The following CSMD2 variants were observed in gnomAD, a reference collection of about 807,000 sequenced individuals.
CSMD2 encodes the protein CUB and sushi domain-containing protein 2.
Under a neutral mutation model 398.5 loss-of-function variants are expected in CSMD2, and 130 were observed. The observed-to-expected ratio is 0.33, with a 90% CI of 0.28 to 0.38. CSMD2 has a LOEUF of 0.38. CSMD2 is among the 10% of genes least tolerant of loss of function. The pLI is 1.00. For synonymous variants in CSMD2, 1,828 were observed against 1,908.5 expected (o/e 0.96, Z 1.10); for missense variants, 3,829 against 4,764.9 (o/e 0.80, Z 5.78).
At chr1:33,725,282 G>A in intron 17 of CSMD2, 67 bp downstream of exon 17, 1 of 1,362,512 alleles carries the variant, frequency 7.3e-7, no homozygotes, top group South Asian at 1.2e-5. Context: ...GTGGAGCACA[G>A]TCCTGAGGCC....
At chr1:33,626,215 A>C (rs908565505) in intron 33 of CSMD2, among the ~76,000 whole-genome samples, 1 of 152,192 alleles carries the variant, frequency 6.6e-6, no homozygotes. Context: ...CATGCCAGAC[A>C]ATGGGTGGAG....
At chr1:33,631,911 G>A (rs1642489061) in intron 32 of CSMD2, among the ~76,000 whole-genome samples, 2 of 151,894 alleles carry the variant, frequency 1.3e-5, no homozygotes, top group South Asian at 4.2e-4. Context: ...ATGGCTCTGG[G>A]GACTTATAGT....
rs754336586 is a variant in CSMD2, at chr1:33,820,576, A to C, written c.1112-20T>G. The C allele has an allele frequency of 4.3e-5, 50 of 1,175,728 alleles. No homozygotes were observed. The highest frequency in any genetic ancestry group is 4.3e-5 in the Non-Finnish European group (35 of 805,720). 72.8% of individuals were successfully genotyped at this position (1,175,728 alleles called of 1,614,324 possible). On this transcript the variant is annotated intron_variant, in intron 7 of 70. Transcript: ENST00000373381. ...GAGTTACTACAAGGCAAAAAAAAAAAAAAAAAAAAAAACAGCACACACAGA... is the reference window on the plus strand; with the variant it reads ...GAGTTACTACAAGGCAAAAAAAAAACAAAAAAAAAAAACAGCACACACAGA...
intron 5 of CSMD2, among the ~76,000 whole-genome samples, chr1:33,908,205 G>A (rs904553569): frequency 4.6e-5 from 7 of 152,032 alleles, no homozygotes; most frequent in Admixed American, 2.6e-4. Flanking sequence ...CAGGAGAGAC[G>A]CAAACCAACG....
At chr1:33,733,090 C>T (rs1646773272) in intron 15 of CSMD2, among the ~76,000 whole-genome samples, 1 of 152,182 alleles carries the variant, frequency 6.6e-6, no homozygotes, top group South Asian at 2.1e-4. Flanking sequence ...GAATGCCCAC[C>T]TCAACCACTG....
chr1:33,604,491 G>A (rs1029636618), intron 42 of CSMD2, among the ~76,000 whole-genome samples: 2 of 152,190 alleles, frequency 1.3e-5, no homozygotes, highest in East Asian at 3.8e-4. Flanking sequence ...CTTTACTGAG[G>A]AAGAACCTGA....
At chr1:33,822,352 G>A (rs1570121251) in intron 7 of CSMD2, among the ~76,000 whole-genome samples, 1 of 152,122 alleles carries the variant, frequency 6.6e-6, no homozygotes, top group East Asian at 1.9e-4. Flanking sequence ...TAAGGAAGGT[G>A]GGGAGCTCGT....
Position 33,636,289 on chromosome 1 carries a change from G to T in CSMD2, c.4969+71C>A. ...GGACCTTGCCCCCCTCCCTTCCCCA[G>T]CCCACAGCACCCTCTGCCCCTGGCA... is the stretch of plus-strand genomic sequence containing the variant. On this transcript the variant is annotated intron_variant, in intron 30 of 70. Coordinates refer to ENST00000373381, the MANE Select transcript of CSMD2 (RefSeq NM_001281956.2). The surrounding 1 kb of genome is among the most constrained non-coding windows in gnomAD (Gnocchi z 4.8). The T allele has an allele frequency of 6.9e-7, 1 of 1,443,558 alleles. No individual in the cohort carries two copies. The highest frequency in any genetic ancestry group is 9.3e-7 in the Non-Finnish European group (1 of 1,070,598). 89.4% of individuals were successfully genotyped at this position (1,443,558 alleles called of 1,614,324 possible). A position where few individuals can be genotyped will look rare whatever the true frequency, so the allele number is the denominator to read the frequency against.
intron 5 of CSMD2, chr1:33,884,936 C>T (rs1481905152): frequency 6.6e-6 from 1 of 152,262 alleles, no homozygotes; most frequent in Non-Finnish European, 1.5e-5. Context: ...TGTCCCTGCT[C>T]CCAATCCAGC....
chr1:33,696,648 C>T (rs1043189430), intron 24 of CSMD2, among the ~76,000 whole-genome samples: 1 of 152,084 alleles, frequency 6.6e-6, no homozygotes, highest in Non-Finnish European at 1.5e-5. Context: ...CAGAGAAGGA[C>T]CTCCTGCTTC....
Position 33,557,796 on chromosome 1 carries a change from C to G in CSMD2, c.8681G>C (p.Gly2894Ala). 1 of 1,536,098 alleles carries G rather than the reference C, an allele frequency of 6.5e-7. No homozygotes were observed. The highest frequency in any genetic ancestry group is 8.7e-7 in the Non-Finnish European group (1 of 1,146,896). Residue 2894 changes from glycine to alanine, a missense_variant, in exon 55 of 71, where the codon GGC becomes GCC. Gly to Ala is a moderately conservative substitution (Grantham distance 60, BLOSUM62 0). Transcript: ENST00000373381. ...YRCNHGFYLLGTPVLSCQGDG... is the reference protein window; with the variant it reads ...YRCNHGFYLLATPVLSCQGDG... Reference sequence around the variant, plus strand: ...TCCCTGGCAGCTGAGCACTGGGGTGCCCAGGAGGTAGAAGCCGTGGTTGCA... The same window carrying G: ...TCCCTGGCAGCTGAGCACTGGGGTGGCCAGGAGGTAGAAGCCGTGGTTGCA...
intron 55 of CSMD2, among the ~76,000 whole-genome samples, chr1:33,553,833 G>A (rs988271137): frequency 5.9e-5 from 9 of 152,106 alleles, no homozygotes; most frequent in African/African-American, 1.7e-4. Context: ...ATTGTAGGAC[G>A]TTTAGCATCG....
Position 33,636,136 on chromosome 1 carries a change from G to C in CSMD2, c.4969+224C>G, listed in dbSNP as rs989072055. On this transcript the variant is annotated intron_variant, in intron 30 of 70. Transcript: ENST00000373381. This position sits in a 1 kb window ranked among gnomAD's most constrained non-coding sequence, Gnocchi z 4.8. ...GAGGGCATGAGCATCTATGTGAATG[G>C]GGGTAGGGACACCATGGGTTCTGAG... Among the ~76,000 whole-genome samples the C allele has an allele frequency of 6.6e-6, 1 of 152,156 alleles. No individual in the cohort carries two copies. Among genetic ancestry groups the C allele is most frequent in the African/African-American group, 2.4e-5 (1 of 41,430 alleles).
intron 5 of CSMD2, among the ~76,000 whole-genome samples, chr1:33,854,325 T>C (rs1463072793): frequency 6.6e-6 from 1 of 152,180 alleles, no homozygotes; most frequent in Non-Finnish European, 1.5e-5. Context: ...GCTCAGTAAA[T>C]ATCACTCAGT....
At chr1:33,762,266 G>A (rs188063295) in intron 13 of CSMD2, among the ~76,000 whole-genome samples, 67 of 152,350 alleles carry the variant, frequency 4.4e-4, no homozygotes, top group Admixed American at 6.5e-4. Flanking sequence ...ACCCTGGCTG[G>A]GGAAACTCTG....
intron 10 of CSMD2, among the ~76,000 whole-genome samples, chr1:33,795,479 C>A (rs1234868419): frequency 1.3e-5 from 2 of 152,198 alleles, no homozygotes; most frequent in Non-Finnish European, 2.9e-5. Flanking sequence ...CTGCTGACTG[C>A]CCTCCACTGC....
At chr1:33,587,281 T>C (rs1347557994) in intron 44 of CSMD2, 113 bp from the exon 45 acceptor site, 4 of 801,402 alleles carry the variant, frequency 5.0e-6, no homozygotes, top group Non-Finnish European at 6.0e-6. Context: ...CACACAGATA[T>C]TCATGAGTAC....
At chr1:33,627,986 G>A (rs1448503133) in intron 32 of CSMD2, among the ~76,000 whole-genome samples, 1 of 152,170 alleles carries the variant, frequency 6.6e-6, no homozygotes, top group East Asian at 1.9e-4. Flanking sequence ...AAATGTTAAA[G>A]TTTTGAGGAA....
intron 3 of CSMD2, among the ~76,000 whole-genome samples, chr1:33,947,304 C>T (rs926790977): frequency 5.1e-4 from 78 of 152,306 alleles, no homozygotes; most frequent in African/African-American, 1.9e-3. Context: ...GCTCTGCTGC[C>T]CCTGCCCAAG....
Sources: gnomAD v4.1 joint callset for allele counts (sites outside exome capture counted in the v4.1 genomes callset) on GRCh38, gnomAD v4.1.1 for gene constraint, Gnocchi (gnomAD v3.1) non-coding constraint, MANE v1.5 for transcripts, NCBI Gene and HGNC (gene_info 2026-07-23, HGNC 2026-07-21) for gene names.